The following NKAIN3 variants were observed in gnomAD, a reference collection of about 807,000 sequenced individuals.
NKAIN3 encodes sodium/potassium-transporting ATPase subunit beta-1-interacting protein 3.
A neutral mutation model predicts 30.2 loss-of-function variants in NKAIN3; 25 were observed. The ratio of observed to expected loss-of-function variants is 0.83; its 90% CI spans 0.60 to 1.16. NKAIN3 has a LOEUF of 1.16. Ranked by LOEUF, NKAIN3 falls within the 50% of genes most tolerant of loss-of-function variation. The pLI is 0.00. For missense variants in NKAIN3, 225 were observed against 254.1 expected (o/e 0.89, Z 0.78); for synonymous variants, 91 against 89.6 (o/e 1.02, Z -0.09).
intron 4 of NKAIN3, among the ~76,000 whole-genome samples, chr8:62,884,505 C>T (rs1821085316): frequency 6.6e-6 from 1 of 152,172 alleles, no homozygotes; most frequent in Non-Finnish European, 1.5e-5. Context: ...GATCTGCCCA[C>T]CTCGGCCTCC....
At chr8:62,920,349 A>G (rs1319697607) in intron 5 of NKAIN3, among the ~76,000 whole-genome samples, 1 of 152,206 alleles carries the variant, frequency 6.6e-6, no homozygotes, top group Non-Finnish European at 1.5e-5. Flanking sequence ...ACCAGTGCTC[A>G]GTTGTACCTA....
At chr8:62,620,586 T>C (rs953460918) in intron 3 of NKAIN3, among the ~76,000 whole-genome samples, 2 of 152,152 alleles carry the variant, frequency 1.3e-5, no homozygotes, top group African/African-American at 2.4e-5. Flanking sequence ...CATTTGTCTT[T>C]AAGTATCAAT....
intron 1 of NKAIN3, among the ~76,000 whole-genome samples, chr8:62,265,258 A>G (rs1458700396): frequency 6.6e-6 from 1 of 152,220 alleles, no homozygotes; most frequent in Non-Finnish European, 1.5e-5. Context: ...AAAGCCATGA[A>G]AGTGACTATT....
At chr8:62,310,300 T>G (rs1814387633) in intron 1 of NKAIN3, among the ~76,000 whole-genome samples, 1 of 150,506 alleles carries the variant, frequency 6.6e-6, no homozygotes, top group Admixed American at 6.6e-5. Context: ...TTTTGCCTGT[T>G]TTTTGAAAGT....
intron 1 of NKAIN3, among the ~76,000 whole-genome samples, chr8:62,337,408 A>T (rs1191222190): frequency 6.6e-6 from 1 of 151,958 alleles, no homozygotes; most frequent in Non-Finnish European, 1.5e-5. Context: ...GGAAACAGAT[A>T]TGAAAGCAAT....
At chr8:62,594,600 A>G (rs1366028818) in intron 3 of NKAIN3, among the ~76,000 whole-genome samples, 1 of 152,096 alleles carries the variant, frequency 6.6e-6, no homozygotes, top group African/African-American at 2.4e-5. Flanking sequence ...TCTGTCCTGC[A>G]GATGAGAAAT....
chr8:62,469,508 G>C (rs1281788261), intron 1 of NKAIN3, among the ~76,000 whole-genome samples: 3 of 152,132 alleles, frequency 2.0e-5, no homozygotes, highest in Non-Finnish European at 4.4e-5. Context: ...CAGGTTGCAG[G>C]CAGAGTGCGG....
intron 1 of NKAIN3, among the ~76,000 whole-genome samples, chr8:62,377,913 T>C (rs1817145947): frequency 6.6e-6 from 1 of 152,120 alleles, no homozygotes; most frequent in African/African-American, 2.4e-5. Flanking sequence ...ATACAGTAAA[T>C]TGATATCAGA....
chr8:62,835,575 C>T (rs532795865), intron 4 of NKAIN3, among the ~76,000 whole-genome samples: 1 of 152,162 alleles, frequency 6.6e-6, no homozygotes, highest in East Asian at 1.9e-4. Flanking sequence ...AAGCGGCCAA[C>T]AAACATATGA....
At chr8:62,626,690 CA>C (rs1290010338) in intron 3 of NKAIN3, among the ~76,000 whole-genome samples, 10 of 152,200 alleles carry the variant, frequency 6.6e-5, no homozygotes, top group African/African-American at 2.2e-4. Flanking sequence ...ACATTAATAG[CA>C]CTTTCTATCT....
At chr8:62,770,589 A>G (rs1020025620) in intron 4 of NKAIN3, among the ~76,000 whole-genome samples, 1 of 152,122 alleles carries the variant, frequency 6.6e-6, no homozygotes, top group Non-Finnish European at 1.5e-5. Flanking sequence ...TAACATTTAT[A>G]AGGGATCCAC....
intron 5 of NKAIN3, among the ~76,000 whole-genome samples, chr8:62,998,102 C>T (rs556817570): frequency 6.6e-6 from 1 of 152,314 alleles, no homozygotes; most frequent in African/African-American, 2.4e-5. Flanking sequence ...TGCTCAGAGA[C>T]TTTACATCCC....
intron 1 of NKAIN3, among the ~76,000 whole-genome samples, chr8:62,338,680 C>G (rs1280076515): frequency 6.6e-6 from 1 of 151,878 alleles, no homozygotes; most frequent in Non-Finnish European, 1.5e-5. Flanking sequence ...AGCTGAGGAG[C>G]AAAGAAAGCC....
At chr8:62,314,787 T>C (rs1375767130) in intron 1 of NKAIN3, among the ~76,000 whole-genome samples, 1 of 152,200 alleles carries the variant, frequency 6.6e-6, no homozygotes, top group East Asian at 1.9e-4. Flanking sequence ...ACAGCTTACC[T>C]TGCAGCAGAT....
chr8:62,356,710 CA>C (rs1187479763), intron 1 of NKAIN3, among the ~76,000 whole-genome samples: 1 of 152,064 alleles, frequency 6.6e-6, no homozygotes, highest in Non-Finnish European at 1.5e-5. Flanking sequence ...AAAGGTGAAT[CA>C]AATTGTGTCA....
chr8:62,653,053 C>T (rs1201510669), intron 3 of NKAIN3, among the ~76,000 whole-genome samples: 1 of 152,122 alleles, frequency 6.6e-6, no homozygotes, highest in East Asian at 1.9e-4. Flanking sequence ...ATAACCCCAC[C>T]TTGGTTTATT....
At chr8:62,430,716 G>A (rs2129597443) in intron 1 of NKAIN3, among the ~76,000 whole-genome samples, 1 of 151,896 alleles carries the variant, frequency 6.6e-6, no homozygotes, top group East Asian at 1.9e-4. Context: ...TATGAGAACA[G>A]GGCTATAAAT....
At chr8:62,957,859 C>T (rs961963940) in intron 6 of NKAIN3, among the ~76,000 whole-genome samples, 5 of 152,124 alleles carry the variant, frequency 3.3e-5, no homozygotes, top group African/African-American at 1.2e-4. Context: ...AAACGATAGG[C>T]TTCGAGTGAC....
intron 3 of NKAIN3, among the ~76,000 whole-genome samples, chr8:62,730,157 TAC>T (rs1483324935): frequency 3.2e-4 from 48 of 152,288 alleles, no homozygotes; most frequent in Non-Finnish European, 1.0e-4. Context: ...TTTCTGCTCT[TAC>T]ATGTACTTCT....
Sources: gnomAD v4.1 joint callset for allele counts (sites outside exome capture counted in the v4.1 genomes callset) on GRCh38, gnomAD v4.1.1 for gene constraint, MANE v1.5 for transcripts, NCBI Gene and HGNC (gene_info 2026-07-23, HGNC 2026-07-21) for gene names.